ANKRD18B: variants seen among roughly 807,000 people sequenced by gnomAD.
ANKRD18B encodes the protein ankyrin repeat domain-containing protein 18B.
Under a neutral mutation model 111.8 loss-of-function variants are expected in ANKRD18B, and 75 were observed. The ratio of observed to expected loss-of-function variants is 0.67; its 90% CI spans 0.56 to 0.81. The LOEUF is 0.81. Ranked by LOEUF, ANKRD18B falls within the 40% of genes least tolerant of loss-of-function variation. The probability of loss-of-function intolerance (pLI) is 0.00; values close to 1 mark genes in which losing one functional copy is unlikely to be tolerated. For synonymous variants in ANKRD18B, 356 were observed against 417.3 expected (o/e 0.85, Z 1.79); for missense variants, 1,038 against 1,225.5 (o/e 0.85, Z 2.28).
At position 33,560,115 on chromosome 9, in the gene ANKRD18B, G is replaced by A. The variant is rs965855642; in HGVS notation, c.2460+1928G>A. On this transcript the variant is annotated intron_variant, in intron 14 of 18. Coordinates refer to ENST00000684830, the MANE Select transcript of ANKRD18B (RefSeq NM_001393611.1). Reference sequence around the variant, plus strand: ...CATCTGTGCTGTAGCAGGTATTGATGCAGGGCTTTCACTCCTTAGTTCAGC... The same window carrying A: ...CATCTGTGCTGTAGCAGGTATTGATACAGGGCTTTCACTCCTTAGTTCAGC... Among the ~76,000 whole-genome samples, 8 of 152,208 alleles carry A rather than the reference G, an allele frequency of 5.3e-5. No individual in the cohort carries two copies. The East Asian group carries it at 9.6e-4, about 18-fold the overall frequency.
chr9:33,560,294 A>C (rs1356295132), intron 14 of ANKRD18B, among the ~76,000 whole-genome samples: 1 of 152,254 alleles, frequency 6.6e-6, no homozygotes. Context: ...ATACCAGGAC[A>C]GGCACACATG....
intron 11 of ANKRD18B, 127 bp downstream of exon 11, chr9:33,548,982 A>G: frequency 3.1e-6 from 3 of 981,582 alleles, no homozygotes; most frequent in Middle Eastern, 3.5e-4. Flanking sequence ...GTATAATTCC[A>G]TTTACATGAA....
At chr9:33,526,353 G>A (rs1828025888) in intron 1 of ANKRD18B, among the ~76,000 whole-genome samples, 2 of 152,144 alleles carry the variant, frequency 1.3e-5, no homozygotes, top group Admixed American at 6.5e-5. Flanking sequence ...GGAGAAGTAT[G>A]TTGATATGTG....
rs1828680497 is a variant in ANKRD18B, at chr9:33,566,214, T to C, written c.2461-5T>C. The C allele has an allele frequency of 1.9e-6, 3 of 1,548,004 alleles. No homozygotes were observed. The highest frequency in any genetic ancestry group is 1.2e-5 in the South Asian group (1 of 82,584). On this transcript the variant is annotated splice_region_variant and splice_polypyrimidine_tract_variant and intron_variant, in intron 14 of 18. Coordinates refer to ENST00000684830, the MANE Select transcript of ANKRD18B (RefSeq NM_001393611.1). ...TTATCAAGCTCTATTATTTTATTAA[T>C]GCAGTTTGATGATCTTATGGCCGAG...
At chr9:33,526,584 G>A (rs1283152184) in intron 1 of ANKRD18B, among the ~76,000 whole-genome samples, 1 of 152,002 alleles carries the variant, frequency 6.6e-6, no homozygotes, top group East Asian at 1.9e-4. Flanking sequence ...ATTATTAATG[G>A]AATAAATTTT....
intron 1 of ANKRD18B, among the ~76,000 whole-genome samples, chr9:33,525,409 G>A (rs1361639949): frequency 6.6e-6 from 1 of 152,130 alleles, no homozygotes; most frequent in Non-Finnish European, 1.5e-5. Context: ...ATATACATAG[G>A]GATTGATAAT....
At position 33,541,142 on chromosome 9, in the gene ANKRD18B, GACAGAA is replaced by G; in HGVS notation, c.998_1003del (p.Glu333_Thr334del). The G allele has an allele frequency of 3.3e-6, 5 of 1,538,128 alleles. No homozygotes were observed. In the African/African-American group the frequency reaches 7.0e-5, roughly 22 times the overall value. On this transcript the variant is annotated splice_acceptor_variant and splice_polypyrimidine_tract_variant and coding_sequence_variant and intron_variant, in exon 9 of 19. Transcript: ENST00000684830. LOFTEE classifies it high-confidence loss of function. ...GAATATCTAACAAGTTTGCGTGTTT[GACAGAA>G]ACAGCAGCTATGAAGCCTGAAAATT...
Position 33,532,126 on chromosome 9 carries a change from T to C in ANKRD18B, c.496-1313T>C, listed in dbSNP as rs1235978008. Among the ~76,000 whole-genome samples, 5 of 152,060 alleles carry C rather than the reference T, an allele frequency of 3.3e-5. No homozygotes were observed. In the East Asian group the frequency reaches 9.7e-4, roughly 29 times the overall value. ...GCAGGTGCCTGTAGTTCCAGCTATT[T>C]GGGAGGCTGAGGCAGGAGAATGGCA... On this transcript the variant is annotated intron_variant, in intron 3 of 18. Transcript: ENST00000684830.
intron 10 of ANKRD18B, among the ~76,000 whole-genome samples, chr9:33,547,678 T>TAG (rs1461875701): frequency 6.2e-5 from 8 of 129,848 alleles, no homozygotes; most frequent in African/African-American, 1.7e-4. Context: ...AAAAATTCTC[T>TAG]AGAGTGTGTG....
chr9:33,528,316 A>G (rs1224860367), intron 1 of ANKRD18B, among the ~76,000 whole-genome samples: 4 of 152,226 alleles, frequency 2.6e-5, no homozygotes, highest in African/African-American at 9.7e-5. Context: ...ACAAAAGTCT[A>G]ACAGTTATTG....
chr9:33,524,819 T>A (rs1035223272), intron 1 of ANKRD18B, 124 bp downstream of exon 1: 4 of 1,191,956 alleles, frequency 3.4e-6, no homozygotes, highest in Admixed American at 2.9e-5. Context: ...GAGCCTCAGC[T>A]GCTTTCCATC....
chr9:33,572,340 C>G lies in ANKRD18B; in HGVS notation c.3248C>G (p.Ser1083Cys). Residue 1083 changes from serine (S) to cysteine (C), a missense_variant, in exon 19 of 19, where the codon TCC (serine) becomes TGC (cysteine). Ser to Cys is a moderately radical substitution (Grantham distance 112). Coordinates refer to ENST00000684830, the MANE Select transcript of ANKRD18B (RefSeq NM_001393611.1). Reference protein sequence around the residue: ...KKTFAALGPCSYLLSSLESTG... With the variant: ...KKTFAALGPCCYLLSSLESTG... Reference sequence around the variant, plus strand: ...GCTTTTGCTGCGTTGGGCCCTTGCTCCTATCTACTTTCTTCTCTAGAATCC... The same window carrying G: ...GCTTTTGCTGCGTTGGGCCCTTGCTGCTATCTACTTTCTTCTCTAGAATCC... 6.2e-7 allele frequency: 1 copy of G among 1,611,736 alleles called. No individual in the cohort carries two copies. Among genetic ancestry groups the G allele is most frequent in the Admixed American group, 1.7e-5 (1 of 59,980 alleles).
rs1828801964 is a variant in ANKRD18B at position 33,572,769 on chromosome 9, G to T, written c.*335G>T. On this transcript the variant is annotated 3_prime_UTR_variant, in exon 19 of 19. Transcript: ENST00000684830. Reference sequence around the variant, plus strand: ...ATAGTAGGAGACTTAAAGAGTATCTGCCAGGTTTGTCCATACTAGTGTTAT... The same window carrying T: ...ATAGTAGGAGACTTAAAGAGTATCTTCCAGGTTTGTCCATACTAGTGTTAT... 1.6e-5 allele frequency: 16 copies of T among 992,464 alleles called. No individual in the cohort carries two copies. The highest frequency in any genetic ancestry group is 1.9e-5 in the Non-Finnish European group (16 of 830,472). The allele number at this position is 992,464 out of a possible 1,614,324, so 61.5% of individuals were successfully genotyped here.
chr9:33,535,355 G>C (rs1357480381), intron 5 of ANKRD18B, among the ~76,000 whole-genome samples: 1 of 151,752 alleles, frequency 6.6e-6, no homozygotes, highest in Non-Finnish European at 1.5e-5. Flanking sequence ...GCGCAATCTC[G>C]GCTCACTGCA....
At chr9:33,542,360 A>C (rs148862680) in intron 9 of ANKRD18B, among the ~76,000 whole-genome samples, 8,812 of 142,878 alleles carry the variant, frequency 0.062, 294 homozygotes, top group South Asian at 0.1. Flanking sequence ...TTCACATAGA[A>C]TTTTGAGCCT....
chr9:33,525,256 G>A (rs2890509), intron 1 of ANKRD18B, among the ~76,000 whole-genome samples: 111,656 of 152,114 alleles, frequency 0.73, 41,631 homozygotes, highest in South Asian at 0.86. Flanking sequence ...AAATGTTTAT[G>A]ATGGAGTGAA....
chr9:33,557,833 A>G (rs1828549638), intron 13 of ANKRD18B, among the ~76,000 whole-genome samples: 1 of 152,132 alleles, frequency 6.6e-6, no homozygotes, highest in Non-Finnish European at 1.5e-5. Context: ...CTGTATGGCT[A>G]TTATCACTTT....
intron 11 of ANKRD18B, among the ~76,000 whole-genome samples, chr9:33,550,039 G>A (rs1174424896): frequency 6.6e-6 from 1 of 152,124 alleles, no homozygotes; most frequent in Non-Finnish European, 1.5e-5. Context: ...AGAGTTGTAG[G>A]AGCTGAGGTC....
rs757604151 is a variant in ANKRD18B at position 33,529,094 on chromosome 9, A to G, written c.416A>G (p.His139Arg). The change falls in exon 3 of 19, where the codon CAT (histidine) becomes CGT (arginine). Residue 139 changes from histidine to arginine, a missense_variant. Physicochemically the swap from His to Arg is conservative, Grantham distance 29. Transcript: ENST00000684830. ...IKDIYGNTALHYAVYNEGTSL... is the reference protein window; with the variant it reads ...IKDIYGNTALRYAVYNEGTSL... ...GATATCTACGGCAACACTGCTCTCC[A>G]TTATGCCGTGTATAATGAGGGGACT... 6.2e-7 allele frequency: 1 copy of G among 1,612,062 alleles called. No individual in the cohort carries two copies. Among genetic ancestry groups the G allele is most frequent in the South Asian group, 1.1e-5 (1 of 90,984 alleles).
Sources: gnomAD v4.1 joint callset for allele counts (sites outside exome capture counted in the v4.1 genomes callset) on GRCh38, gnomAD v4.1.1 for gene constraint, MANE v1.5 for transcripts, NCBI Gene and HGNC (gene_info 2026-07-23, HGNC 2026-07-21) for gene names.